The following POU6F2 variants were observed in gnomAD, a reference collection of about 807,000 sequenced individuals.
POU6F2 encodes the protein POU class 6 homeobox 2.
In POU6F2, 31 loss-of-function variants were observed where a neutral mutation model predicts 71.3. The observed-to-expected ratio is 0.43, with a 90% CI of 0.33 to 0.59. The LOEUF is 0.59. Among genes scored for constraint, POU6F2 ranks in the 20% least tolerant of loss-of-function variants. POU6F2 has a pLI of 0.04. For missense variants in POU6F2, 783 were observed against 856.8 expected (o/e 0.91, Z 1.07); for synonymous variants, 347 against 355.7 (o/e 0.98, Z 0.27).
intron 5 of POU6F2, among the ~76,000 whole-genome samples, chr7:39,386,580 G>A (rs1402870699): frequency 1.3e-5 from 2 of 152,178 alleles, no homozygotes; most frequent in Non-Finnish European, 2.9e-5. Context: ...AATGTTTCAG[G>A]ATGGCTGCTC....
chr7:39,192,432 C>A (rs563611250), intron 2 of POU6F2, among the ~76,000 whole-genome samples: 1 of 152,178 alleles, frequency 6.6e-6, no homozygotes, highest in African/African-American at 2.4e-5. Flanking sequence ...ATGGATAGGC[C>A]AGACTCTTAT....
chr7:39,340,222 T>C (rs982576284), intron 5 of POU6F2, among the ~76,000 whole-genome samples: 15 of 152,202 alleles, frequency 9.9e-5, no homozygotes, highest in Non-Finnish European at 1.9e-4. Context: ...AGAAGCCCAT[T>C]TCTGTTGCCC....
chr7:39,419,084 C>CGT (rs1288622895), intron 6 of POU6F2, among the ~76,000 whole-genome samples: 1 of 114,466 alleles, frequency 8.7e-6, no homozygotes, highest in Non-Finnish European at 1.8e-5. Context: ...CACATATATA[C>CGT]GTATATGTGT....
At chr7:39,322,720 A>T (rs1187011448) in intron 4 of POU6F2, among the ~76,000 whole-genome samples, 2 of 152,218 alleles carry the variant, frequency 1.3e-5, no homozygotes, top group African/African-American at 2.4e-5. Flanking sequence ...AATTTTTAGG[A>T]TATGGCTCCA....
At chr7:39,197,987 T>C (rs9986786) in intron 2 of POU6F2, among the ~76,000 whole-genome samples, 141,296 of 152,298 alleles carry the variant, frequency 0.93, 65,662 homozygotes, top group East Asian at 1. Context: ...AAGGAATAAT[T>C]TCTACTCCCA....
At chr7:39,291,513 T>C (rs1370867261) in intron 4 of POU6F2, among the ~76,000 whole-genome samples, 1 of 152,234 alleles carries the variant, frequency 6.6e-6, no homozygotes, top group Non-Finnish European at 1.5e-5. Flanking sequence ...AGACCGGCTA[T>C]GATTTAATTA....
intron 6 of POU6F2, among the ~76,000 whole-genome samples, chr7:39,411,689 A>G (rs1353206625): frequency 4.6e-5 from 7 of 152,258 alleles, no homozygotes; most frequent in Non-Finnish European, 8.8e-5. Context: ...GGATCTGTGT[A>G]GGATAGGGGC....
chr7:39,452,793 T>C (rs1209485145), intron 8 of POU6F2, among the ~76,000 whole-genome samples: 2 of 152,196 alleles, frequency 1.3e-5, no homozygotes, highest in Non-Finnish European at 2.9e-5. Context: ...TATGGAAAGA[T>C]GTTAAAATGC....
chr7:39,377,215 C>A (rs1258118827), intron 5 of POU6F2, among the ~76,000 whole-genome samples: 1 of 151,462 alleles, frequency 6.6e-6, no homozygotes, highest in Non-Finnish European at 1.5e-5. Context: ...ACTGCAGCCT[C>A]CGCCTCCCGG....
intron 2 of POU6F2, among the ~76,000 whole-genome samples, chr7:39,162,069 G>C (rs1051314810): frequency 1.3e-5 from 2 of 152,146 alleles, no homozygotes; most frequent in African/African-American, 4.8e-5. Context: ...ACCTCTCATG[G>C]AGTTTCCATG....
chr7:39,029,496 G>T (rs939038924), intron 1 of POU6F2, among the ~76,000 whole-genome samples: 2 of 151,710 alleles, frequency 1.3e-5, no homozygotes, highest in South Asian at 4.2e-4. Context: ...TTCTGGGAGG[G>T]GGGGGTGGAT....
intron 2 of POU6F2, 37 bp from the exon 3 acceptor site, chr7:39,204,198 T>C: frequency 6.4e-7 from 1 of 1,557,958 alleles, no homozygotes. Flanking sequence ...CCAAGCTGGA[T>C]CATATATTAA....
At chr7:39,416,093 T>TACACACAC (rs57579748) in intron 6 of POU6F2, among the ~76,000 whole-genome samples, 5,963 of 139,204 alleles carry the variant, frequency 0.043, 200 homozygotes, top group Middle Eastern at 0.071. Context: ...CTCGAAGGCA[T>TACACACAC]ACACACACAC....
intron 1 of POU6F2, among the ~76,000 whole-genome samples, chr7:39,079,084 T>A (rs1791058992): frequency 6.6e-6 from 1 of 152,148 alleles, no homozygotes; most frequent in Admixed American, 6.5e-5. Flanking sequence ...GGAAGCGGTA[T>A]TGTAGAAAAT....
intron 7 of POU6F2, 63 bp from the exon 8 acceptor site, chr7:39,451,470 C>T (rs534810505): frequency 1.4e-6 from 2 of 1,464,856 alleles, no homozygotes; most frequent in Admixed American, 2.0e-5. Flanking sequence ...AACTTCTGTT[C>T]CCTGGCATTT....
intron 7 of POU6F2, among the ~76,000 whole-genome samples, chr7:39,437,368 G>A (rs1469807756): frequency 1.3e-5 from 2 of 152,130 alleles, no homozygotes; most frequent in East Asian, 3.8e-4. Context: ...ATGTGTCCAG[G>A]AATTTATTCA....
At chr7:39,435,897 T>C (rs1788229462) in intron 7 of POU6F2, among the ~76,000 whole-genome samples, 1 of 152,202 alleles carries the variant, frequency 6.6e-6, no homozygotes, top group Admixed American at 6.5e-5. Context: ...CTTTCCCCTT[T>C]GTTTTTGTCA....
intron 4 of POU6F2, among the ~76,000 whole-genome samples, chr7:39,298,963 A>C (rs548360994): frequency 1.3e-5 from 2 of 152,142 alleles, no homozygotes; most frequent in Non-Finnish European, 2.9e-5. Context: ...CAATGAGAAC[A>C]CACGGACACA....
chr7:39,218,112 G>A (rs1442607647), intron 4 of POU6F2, among the ~76,000 whole-genome samples: 1 of 152,148 alleles, frequency 6.6e-6, no homozygotes, highest in African/African-American at 2.4e-5. Context: ...ACTAGGATGT[G>A]CAAACTAGAT....
Sources: allele counts gnomAD v4.1 joint callset (sites outside exome capture counted in the v4.1 genomes callset), GRCh38; gene constraint gnomAD v4.1.1; transcripts MANE v1.5; gene names NCBI Gene and HGNC (gene_info 2026-07-23, HGNC 2026-07-21).